Variants in KCNK12 observed in about 807,000 individuals in gnomAD.
KCNK12 encodes potassium channel subfamily K member 12.
A neutral mutation model predicts 25.3 loss-of-function variants in KCNK12; 6 were observed. The observed-to-expected ratio is 0.24, with a 90% CI of 0.13 to 0.47. KCNK12 has a LOEUF of 0.47. Ranked by LOEUF, KCNK12 falls within the 20% of genes least tolerant of loss-of-function variation. KCNK12 has a pLI of 0.99. For missense variants in KCNK12, 444 were observed against 661.7 expected, an observed-to-expected ratio of 0.67 and a Z score of 3.61; for synonymous variants, 331 against 311.1, an observed-to-expected ratio of 1.06 and a Z score of -0.67.
intron 1 of KCNK12, among the ~76,000 whole-genome samples, chr2:47,553,188 G>A (rs1214110855): frequency 2.0e-5 from 3 of 152,198 alleles, no homozygotes; most frequent in African/African-American, 4.8e-5. Flanking sequence ...CCAATGTGAC[G>A]AATTCTGCTC....
At chr2:47,527,362 G>A (rs1035244327) in intron 1 of KCNK12, among the ~76,000 whole-genome samples, 2 of 152,196 alleles carry the variant, frequency 1.3e-5, no homozygotes, top group Admixed American at 6.5e-5. Context: ...TGCCAAGGTA[G>A]ACTCATAACC....
chr2:47,532,133 T>G (rs1668946012), intron 1 of KCNK12, among the ~76,000 whole-genome samples: 1 of 151,932 alleles, frequency 6.6e-6, no homozygotes. Context: ...TCATAGGCAT[T>G]AGGGATACAG....
Position 47,516,292 on chromosome 2 carries a change from C to A in KCNK12, c.*4615G>T, listed in dbSNP as rs777692139. Among the ~76,000 whole-genome samples, 3 of 152,170 alleles carry A rather than the reference C, an allele frequency of 2.0e-5. No individual in the cohort carries two copies. The highest frequency in any genetic ancestry group is 7.2e-5 in the African/African-American group (3 of 41,434). Reference sequence around the variant, plus strand: ...AAATCAGACTCCTGGGAGTACGGCCCGGGCCTCGGGATCCTTTAAAGCTCC... The same window carrying A: ...AAATCAGACTCCTGGGAGTACGGCCAGGGCCTCGGGATCCTTTAAAGCTCC... On this transcript the variant is annotated 3_prime_UTR_variant, in exon 2 of 2. Transcript: ENST00000327876.
At chr2:47,568,654 C>T (rs1558568448) in intron 1 of KCNK12, among the ~76,000 whole-genome samples, 1 of 152,208 alleles carries the variant, frequency 6.6e-6, no homozygotes, top group East Asian at 1.9e-4. Flanking sequence ...TTATCCTGGG[C>T]AGTTACAGTC....
intron 1 of KCNK12, among the ~76,000 whole-genome samples, chr2:47,553,995 A>C (rs1267966541): frequency 1.3e-5 from 2 of 152,226 alleles, no homozygotes; most frequent in African/African-American, 4.8e-5. Context: ...ATAAAAATAT[A>C]AGCCCACATT....
At chr2:47,542,641 C>T (rs1039317251) in intron 1 of KCNK12, among the ~76,000 whole-genome samples, 1 of 152,156 alleles carries the variant, frequency 6.6e-6, no homozygotes, top group Non-Finnish European at 1.5e-5. Flanking sequence ...AGTCACACTA[C>T]ATAGATTTTT....
intron 1 of KCNK12, chr2:47,543,393 T>C (rs987703955): frequency 6.6e-6 from 1 of 152,038 alleles, no homozygotes; most frequent in African/African-American, 2.4e-5. Flanking sequence ...CCTAGTGAGG[T>C]AAGCATTATC....
chr2:47,527,041 C>T (rs1269608087), intron 1 of KCNK12, among the ~76,000 whole-genome samples: 5 of 152,162 alleles, frequency 3.3e-5, no homozygotes, highest in African/African-American at 4.8e-5. Flanking sequence ...AAAGCAGTTG[C>T]GAAGTCCCCA....
chr2:47,518,769 A>G lies in KCNK12; in HGVS notation c.*2138T>C, dbSNP rs542966206. ...CGCAGATCAAGTCCTCACTGTCTAG[A>G]TGCCTCTATCATGGGGATCTCTTCT... On this transcript the variant is annotated 3_prime_UTR_variant, in exon 2 of 2. Coordinates refer to ENST00000327876, the MANE Select transcript of KCNK12 (RefSeq NM_022055.2). The surrounding 1 kb of genome is among the most constrained non-coding windows in gnomAD (Gnocchi z 4.1). 10,016 of 152,350 alleles carry G rather than the reference A, an allele frequency of 0.066. 480 individuals carry two copies. Among genetic ancestry groups the G allele is most frequent in the Middle Eastern group, 0.11 (33 of 294 alleles). The allele number at this position is 152,350 out of a possible 1,614,324, so 9.4% of individuals were successfully genotyped here.
At position 47,569,811 on chromosome 2, in the gene KCNK12, A is replaced by G; in HGVS notation, c.391+130T>C. On this transcript the variant is annotated intron_variant, in intron 1 of 1. Transcript: ENST00000327876. This position sits in a 1 kb window ranked among gnomAD's most constrained non-coding sequence, Gnocchi z 4.1. ...GGGGGCCGGCGGAGAAGAGGGCGAG[A>G]CGAAAGTAAGCAAAGGGACATTAGA... is the stretch of plus-strand genomic sequence containing the variant. The G allele has an allele frequency of 1.4e-6, 1 of 731,414 alleles. No homozygotes were observed. Among genetic ancestry groups the G allele is most frequent in the Admixed American group, 4.4e-5 (1 of 22,686 alleles). 45.3% of individuals were successfully genotyped at this position (731,414 alleles called of 1,614,324 possible).
chr2:47,534,236 C>T (rs747539581), intron 1 of KCNK12, among the ~76,000 whole-genome samples: 4 of 151,914 alleles, frequency 2.6e-5, no homozygotes, highest in South Asian at 2.1e-4. Context: ...AACCACCCCC[C>T]ACTCTGTGCT....
chr2:47,567,058 A>G (rs1196908610), intron 1 of KCNK12: 4 of 152,222 alleles, frequency 2.6e-5, no homozygotes, highest in Non-Finnish European at 5.9e-5. Context: ...ACATACAATC[A>G]TGTTACGGAA....
intron 1 of KCNK12, among the ~76,000 whole-genome samples, chr2:47,543,171 C>A (rs1669238494): frequency 6.6e-6 from 1 of 151,946 alleles, no homozygotes; most frequent in African/African-American, 2.4e-5. Context: ...AAGGAGCTAC[C>A]AGGGCATTAG....
At chr2:47,535,083 G>A (rs1014950052) in intron 1 of KCNK12, 2 of 230,302 alleles carry the variant, frequency 8.7e-6, no homozygotes, top group Admixed American at 5.7e-5. Flanking sequence ...TCAATGCACA[G>A]AGGCCACTCC....
chr2:47,539,486 G>A (rs535834924), intron 1 of KCNK12, among the ~76,000 whole-genome samples: 1 of 152,290 alleles, frequency 6.6e-6, no homozygotes, highest in East Asian at 1.9e-4. Context: ...GCCCAGACCA[G>A]GAGAGTAGCC....
rs141314380 is a variant in KCNK12 at position 47,565,715 on chromosome 2, T to A, written c.391+4226A>T. On this transcript the variant is annotated intron_variant, in intron 1 of 1. Transcript: ENST00000327876. This position sits in a 1 kb window ranked among gnomAD's most constrained non-coding sequence, Gnocchi z 5.0. The stretch of plus-strand genomic sequence containing the variant: ...TCTTTTCAAAGTTAACTGATAAACA[T>A]CCTTTAGGATGTGAAGTGATGGGTT... 1 of 152,356 alleles carries A rather than the reference T, an allele frequency of 6.6e-6. No homozygotes were observed. The highest frequency in any genetic ancestry group is 2.1e-4 in the South Asian group (1 of 4,828). The allele number at this position is 152,356 out of a possible 1,614,324, so 9.4% of individuals were successfully genotyped here.
chr2:47,518,339 T>C lies in KCNK12; in HGVS notation c.*2568A>G, dbSNP rs1036080768. The C allele has an allele frequency of 1.3e-5, 2 of 152,198 alleles. No homozygotes were observed. The highest frequency in any genetic ancestry group is 2.4e-5 in the African/African-American group (1 of 41,414). The allele number at this position is 152,198 out of a possible 1,614,324, so 9.4% of individuals were successfully genotyped here. On this transcript the variant is annotated 3_prime_UTR_variant, in exon 2 of 2. Transcript: ENST00000327876. This position sits in a 1 kb window ranked among gnomAD's most constrained non-coding sequence, Gnocchi z 4.1. ...GAGGACTGGCGTTTCTCTGGGAAGT[T>C]GGGAGGTGGGAAGAGGAAGGGTCTC...
At chr2:47,546,978 A>C (rs1278629982) in intron 1 of KCNK12, among the ~76,000 whole-genome samples, 1 of 152,140 alleles carries the variant, frequency 6.6e-6, no homozygotes. Context: ...TGGGTGTGGG[A>C]AAGGCCATAT....
chr2:47,523,360 C>T (rs1482272645), intron 1 of KCNK12, among the ~76,000 whole-genome samples: 1 of 152,226 alleles, frequency 6.6e-6, no homozygotes, highest in Non-Finnish European at 1.5e-5. Flanking sequence ...AACCAAGGAT[C>T]ACCATCAGTC....
Sources: allele counts gnomAD v4.1 joint callset (sites outside exome capture counted in the v4.1 genomes callset), GRCh38; gene constraint gnomAD v4.1.1; non-coding constraint Gnocchi (gnomAD v3.1); transcripts MANE v1.5; gene names NCBI Gene and HGNC (gene_info 2026-07-23, HGNC 2026-07-21).